Variants in HIPK1 observed in about 807,000 individuals in gnomAD.
The protein encoded by HIPK1 is homeodomain interacting protein kinase 1, also known as homeodomain-interacting protein kinase 1.
In HIPK1, 28 loss-of-function variants were observed where a neutral mutation model predicts 117.1. The observed-to-expected ratio is 0.24, with a 90% CI of 0.18 to 0.33. The LOEUF (loss-of-function observed/expected upper bound fraction) is 0.33. Ranked by LOEUF, HIPK1 falls within the 10% of genes least tolerant of loss-of-function variation. The pLI, the probability that HIPK1 is intolerant of heterozygous loss-of-function variation, is 1.00. For synonymous variants in HIPK1, 605 were observed against 562.5 expected (o/e 1.08, Z -1.07); for missense variants, 1,122 against 1,475.1 (o/e 0.76, Z 3.92).
intron 8 of HIPK1, among the ~76,000 whole-genome samples, chr1:113,960,682 A>G (rs1672043682): frequency 6.6e-6 from 1 of 152,194 alleles, no homozygotes; most frequent in Non-Finnish European, 1.5e-5. Context: ...ATTGGATAAC[A>G]TTGCCTACGG....
intron 1 of HIPK1, among the ~76,000 whole-genome samples, chr1:113,935,640 C>G (rs1410853006): frequency 1.3e-5 from 2 of 152,178 alleles, no homozygotes; most frequent in South Asian, 2.1e-4. Flanking sequence ...ATACTCCCAT[C>G]AGCAGTATAA....
intron 1 of HIPK1, chr1:113,933,066 T>A (rs1187784408): frequency 6.1e-6 from 2 of 327,742 alleles, no homozygotes; most frequent in Admixed American, 1.3e-4. Context: ...TAGACTGTTA[T>A]GTGCAGGTAC....
chr1:113,943,892 G>A (rs961266733), intron 2 of HIPK1, among the ~76,000 whole-genome samples: 8 of 152,100 alleles, frequency 5.3e-5, no homozygotes, highest in Admixed American at 4.6e-4. Context: ...ATAGTTCACT[G>A]TAGCCTCCAA....
At chr1:113,949,462 C>T (rs1200626237) in intron 2 of HIPK1, among the ~76,000 whole-genome samples, 1 of 152,054 alleles carries the variant, frequency 6.6e-6, no homozygotes, top group Non-Finnish European at 1.5e-5. Context: ...CTTATTAATG[C>T]GCCTGTCAAA....
chr1:113,968,029 C>T (rs955300582), intron 12 of HIPK1, 81 bp downstream of exon 12: 21 of 1,237,528 alleles, frequency 1.7e-5, no homozygotes, highest in Non-Finnish European at 9.1e-6. Flanking sequence ...ATTGTATAGA[C>T]ATATAATATA....
In HIPK1 at chr1:113,972,660, A is replaced by G. The variant is rs77497335; in HGVS notation, c.3145-364A>G. Among the ~76,000 whole-genome samples the G allele has an allele frequency of 1.3e-4, 20 of 152,350 alleles. No individual in the cohort carries two copies. In the East Asian group the frequency reaches 3.7e-3, roughly 28 times the overall value. ...ATGAAGAACTTAGAGGACGAAAACA[A>G]AAGAAAGCAATGGTAAGAAATAAAG... On this transcript the variant is annotated intron_variant, in intron 15 of 15. Transcript: ENST00000426820.
At chr1:113,933,133 G>T (rs1670009304) in intron 1 of HIPK1, 4 of 976,776 alleles carry the variant, frequency 4.1e-6, no homozygotes, top group Non-Finnish European at 4.9e-6. Context: ...TTGTTCTGTT[G>T]CCGTAGTCAT....
intron 2 of HIPK1, among the ~76,000 whole-genome samples, chr1:113,944,078 C>A (rs1670821197): frequency 6.6e-6 from 1 of 151,676 alleles, no homozygotes; most frequent in Non-Finnish European, 1.5e-5. Context: ...CATCCTCCTG[C>A]CTCAGTCTCC....
chr1:113,937,423 C>T (rs1214479785), intron 1 of HIPK1, among the ~76,000 whole-genome samples: 1 of 151,568 alleles, frequency 6.6e-6, no homozygotes, highest in Non-Finnish European at 1.5e-5. Flanking sequence ...AGACTTCCCC[C>T]ATGACTCAAG....
At chr1:113,934,327 A>G (rs2101123393) in intron 1 of HIPK1, among the ~76,000 whole-genome samples, 1 of 152,318 alleles carries the variant, frequency 6.6e-6, no homozygotes, top group Non-Finnish European at 1.5e-5. Context: ...CAGGGTTATA[A>G]TATTTGGATC....
At chr1:113,969,906 C>A (rs755122387) in intron 13 of HIPK1, 50 bp from the exon 14 acceptor site, 2 of 1,604,378 alleles carry the variant, frequency 1.2e-6, no homozygotes, top group South Asian at 1.1e-5. Context: ...GACGCTGTCA[C>A]ACACACAAAA....
chr1:113,941,559 G>A lies in HIPK1; in HGVS notation c.1076+100G>A. 1 of 883,670 alleles carries A rather than the reference G, an allele frequency of 1.1e-6. No individual in the cohort carries two copies. Among genetic ancestry groups the A allele is most frequent in the Non-Finnish European group, 1.8e-6 (1 of 570,108 alleles). 54.7% of individuals were successfully genotyped at this position (883,670 alleles called of 1,614,324 possible). A position where few individuals can be genotyped will look rare whatever the true frequency, so the allele number is the denominator to read the frequency against. On this transcript the variant is annotated intron_variant, in intron 2 of 15. Transcript: ENST00000426820. This position sits in a 1 kb window ranked among gnomAD's most constrained non-coding sequence, Gnocchi z 4.9. ...ACATATAGCAATGAATTTGTTTATA[G>A]ATTCTGAGATAGAAATAGGATATGT...
intron 13 of HIPK1, among the ~76,000 whole-genome samples, chr1:113,969,244 TGTTA>T (rs573742127): frequency 9.0e-4 from 137 of 152,282 alleles, no homozygotes; most frequent in African/African-American, 3.1e-3. Context: ...ATTTAGAGCC[TGTTA>T]GTTCAAAAGG....
Position 113,956,894 on chromosome 1 carries a change from C to T in HIPK1, c.1592+83C>T, listed in dbSNP as rs775318893. 2.3e-4 allele frequency: 289 copies of T among 1,279,288 alleles called. 4 individuals are homozygous for T. Among genetic ancestry groups the T allele is most frequent in the South Asian group, 2.0e-3 (159 of 79,152 alleles). The allele number at this position is 1,279,288 out of a possible 1,614,324, so 79.2% of individuals were successfully genotyped here. A position where few individuals can be genotyped will look rare whatever the true frequency, so the allele number is the denominator to read the frequency against. On this transcript the variant is annotated intron_variant, in intron 6 of 15. Transcript: ENST00000426820. Reference sequence around the variant, plus strand: ...TATCAATGGCACTATCAAATGAGCCCGCCACTTTGGTGCTTATAAATCTGG... The same window carrying T: ...TATCAATGGCACTATCAAATGAGCCTGCCACTTTGGTGCTTATAAATCTGG...
chr1:113,971,928 G>A lies in HIPK1; in HGVS notation c.3118G>A (p.Ala1040Thr), dbSNP rs774459381. The A allele has an allele frequency of 6.2e-7, 1 of 1,610,750 alleles. No individual in the cohort carries two copies. Among genetic ancestry groups the A allele is most frequent in the Non-Finnish European group, 8.5e-7 (1 of 1,178,568 alleles). ...GYRAQRGGTS[A>T]AQPLNLSQNQ... Reference sequence around the variant, plus strand: ...TCGAGCTCAACGCGGGGGGACCAGTGCAGCACAACCACTCAATCTTAGCCA... The same window carrying A: ...TCGAGCTCAACGCGGGGGGACCAGTACAGCACAACCACTCAATCTTAGCCA... The change falls in exon 15 of 16, where the codon GCA (alanine) becomes ACA (threonine). Residue 1040 changes from alanine (A) to threonine (T), a missense_variant. By Grantham distance (58) the Ala-to-Thr change is moderately conservative (BLOSUM62 0). Transcript: ENST00000426820.
rs1571740108 is a variant in HIPK1, at chr1:113,973,320, T to C, written c.3441T>C (p.Thr1147=). 6.2e-7 allele frequency: 1 copy of C among 1,614,108 alleles called. No individual in the cohort carries two copies. Among genetic ancestry groups the C allele is most frequent in the Non-Finnish European group, 8.5e-7 (1 of 1,180,002 alleles). ...CAAGGCATGCTGCAGCCTATACCAC[T>C]CACCCTAGCACTTTGGTGCACCAGG... ...GSSRHAAAYT[T]HPSTLVHQVP... Residue 1147 remains threonine, a synonymous_variant, in exon 16 of 16, where the codon ACT becomes ACC. Transcript: ENST00000426820.
At chr1:113,951,629 T>C in intron 2 of HIPK1, among the ~76,000 whole-genome samples, 1 of 152,218 alleles carries the variant, frequency 6.6e-6, no homozygotes, top group East Asian at 1.9e-4. Context: ...AATACTGTTA[T>C]TATATCTAAC....
intron 5 of HIPK1, 110 bp downstream of exon 5, chr1:113,955,759 T>C: frequency 1.7e-6 from 1 of 601,954 alleles, no homozygotes. Context: ...TTGTTTTCAG[T>C]TTTTATAAAA....
intron 1 of HIPK1, chr1:113,932,369 T>G (rs1443816837): frequency 1.3e-5 from 2 of 148,366 alleles, no homozygotes; most frequent in Non-Finnish European, 3.0e-5. Flanking sequence ...TTTTTGGATC[T>G]GTTTTTTTTT....
Sources: allele counts gnomAD v4.1 joint callset (sites outside exome capture counted in the v4.1 genomes callset), GRCh38; gene constraint gnomAD v4.1.1; non-coding constraint Gnocchi (gnomAD v3.1); transcripts MANE v1.5; gene names NCBI Gene and HGNC (gene_info 2026-07-23, HGNC 2026-07-21).